MFHAS1: variants seen among roughly 807,000 people sequenced by gnomAD.
MFHAS1 encodes the protein malignant fibrous histiocytoma-amplified sequence 1.
Under a neutral mutation model 70.4 loss-of-function variants are expected in MFHAS1, and 50 were observed. The ratio of observed to expected loss-of-function variants is 0.71; its 90% CI spans 0.57 to 0.90. MFHAS1 has a LOEUF of 0.90. Among genes scored for constraint, MFHAS1 ranks in the 40% least tolerant of loss-of-function variants. The pLI, the probability that MFHAS1 is intolerant of heterozygous loss-of-function variation, is 0.00. For synonymous variants in MFHAS1, 952 were observed against 620.0 expected (o/e 1.54, Z -7.96); for missense variants, 1,795 against 1,347.6 (o/e 1.33, Z -5.20).
At position 8,891,724 on chromosome 8, in the gene MFHAS1, C is replaced by A. The variant is rs373170092; in HGVS notation, c.1335G>T (p.Lys445Asn). Residue 445 changes from lysine to asparagine, a missense_variant, in exon 1 of 3, where the codon AAG becomes AAT. Coordinates refer to ENST00000276282, the MANE Select transcript of MFHAS1 (RefSeq NM_004225.3). The surrounding 1 kb of genome is among the most constrained non-coding windows in gnomAD (Gnocchi z 5.4). ...CAGGGGGAGGTGACGGTGGGTAGCA[C>A]TTCTCCTTGTCCCCTCCTCCTGGGC... is the stretch of plus-strand genomic sequence containing the variant. ...EGCPGGGDKE[K>N]CYPPSPPPVS... 35 of 1,613,322 alleles carry A rather than the reference C, an allele frequency of 2.2e-5. No individual in the cohort carries two copies. The Admixed American group carries it at 5.8e-4, about 27-fold the overall frequency.
chr8:8,859,834 TTCAACTGAATGGGGGG>T (rs1163668675), intron 1 of MFHAS1, among the ~76,000 whole-genome samples: 8 of 152,326 alleles, frequency 5.3e-5, no homozygotes, highest in African/African-American at 1.9e-4. Flanking sequence ...AAGTTAGATG[TTCAACTGAATGGGGGG>T]TCGGTGCCCC....
chr8:8,842,396 G>C (rs1356439751), intron 1 of MFHAS1, among the ~76,000 whole-genome samples: 1 of 152,072 alleles, frequency 6.6e-6, no homozygotes, highest in Non-Finnish European at 1.5e-5. Context: ...ACGTTCACCA[G>C]GCTGATCTCG....
chr8:8,880,913 G>C (rs933100533), intron 1 of MFHAS1, among the ~76,000 whole-genome samples: 1 of 152,052 alleles, frequency 6.6e-6, no homozygotes, highest in African/African-American at 2.4e-5. Flanking sequence ...TCGAACTCCT[G>C]ACCTCAAGTG....
At chr8:8,883,917 G>C (rs1032369164) in intron 1 of MFHAS1, among the ~76,000 whole-genome samples, 1 of 151,688 alleles carries the variant, frequency 6.6e-6, no homozygotes, top group Non-Finnish European at 1.5e-5. Flanking sequence ...AAAAATACTG[G>C]TTGGGTATGG....
intron 2 of MFHAS1, among the ~76,000 whole-genome samples, chr8:8,789,438 T>C (rs903805572): frequency 6.6e-6 from 1 of 152,038 alleles, no homozygotes; most frequent in Non-Finnish European, 1.5e-5. Context: ...CGTGAGACAT[T>C]GGAAACAGAG....
chr8:8,829,180 T>C (rs915018161), intron 1 of MFHAS1, among the ~76,000 whole-genome samples: 1 of 152,004 alleles, frequency 6.6e-6, no homozygotes, highest in African/African-American at 2.4e-5. Flanking sequence ...TAAGCTCTTC[T>C]CTGGGTGCGG....
chr8:8,855,158 G>A (rs538151141), intron 1 of MFHAS1, among the ~76,000 whole-genome samples: 39 of 152,250 alleles, frequency 2.6e-4, no homozygotes, highest in Non-Finnish European at 4.7e-4. Flanking sequence ...TCGCCATGTC[G>A]CCCAGGCTGG....
At chr8:8,872,691 G>A (rs1452670490) in intron 1 of MFHAS1, among the ~76,000 whole-genome samples, 1 of 152,112 alleles carries the variant, frequency 6.6e-6, no homozygotes, top group African/African-American at 2.4e-5. Context: ...TGGCTGCAGT[G>A]AGGCCTGGCC....
At position 8,890,670 on chromosome 8, in the gene MFHAS1, G is replaced by C; in HGVS notation, c.2389C>G (p.Leu797Val). 2 of 1,613,514 alleles carry C rather than the reference G, an allele frequency of 1.2e-6. No individual in the cohort carries two copies. The highest frequency in any genetic ancestry group is 1.7e-6 in the Non-Finnish European group (2 of 1,179,618). Residue 797 changes from leucine to valine, a missense_variant, in exon 1 of 3, where the codon CTC becomes GTC. By Grantham distance (32) the Leu-to-Val change is conservative. Transcript: ENST00000276282. Reference protein sequence around the residue: ...QYVEGFLLHGLLPAHVIRLLL... With the variant: ...QYVEGFLLHGVLPAHVIRLLL... The stretch of plus-strand genomic sequence containing the variant: ...AACCGAATGACATGAGCTGGCAAGA[G>C]CCCATGCAACAGAAAGCCCTCCACA...
chr8:8,820,575 G>C (rs779722241), intron 1 of MFHAS1, among the ~76,000 whole-genome samples: 76 of 152,092 alleles, frequency 5.0e-4, no homozygotes, highest in Non-Finnish European at 9.1e-4. Context: ...CTAATATCAT[G>C]AATTTTTTTT....
At chr8:8,787,013 T>C (rs1327710625) in intron 2 of MFHAS1, among the ~76,000 whole-genome samples, 1 of 152,080 alleles carries the variant, frequency 6.6e-6, no homozygotes, top group Non-Finnish European at 1.5e-5. Context: ...GGTTGTTCAC[T>C]CTAGTGCATT....
At chr8:8,873,890 T>A (rs1449098154) in intron 1 of MFHAS1, among the ~76,000 whole-genome samples, 1 of 152,226 alleles carries the variant, frequency 6.6e-6, no homozygotes, top group Non-Finnish European at 1.5e-5. Flanking sequence ...TATATCTATC[T>A]GTAAACATGT....
chr8:8,784,612 A>G lies in MFHAS1; in HGVS notation c.*1410T>C, dbSNP rs1358662243. On this transcript the variant is annotated 3_prime_UTR_variant, in exon 3 of 3. Transcript: ENST00000276282. ...AACATGTTGAGACTTTGTATACTGTAGCCTTCCAAGAGTCAATACTTTACA... is the reference window on the plus strand; with the variant it reads ...AACATGTTGAGACTTTGTATACTGTGGCCTTCCAAGAGTCAATACTTTACA... The G allele has an allele frequency of 6.6e-6, 1 of 152,218 alleles. No individual in the cohort carries two copies. The highest frequency in any genetic ancestry group is 2.4e-5 in the African/African-American group (1 of 41,458). The allele number at this position is 152,218 out of a possible 1,614,324, so 9.4% of individuals were successfully genotyped here.
At chr8:8,795,802 G>A (rs2117254827) in intron 2 of MFHAS1, among the ~76,000 whole-genome samples, 1 of 152,356 alleles carries the variant, frequency 6.6e-6, no homozygotes, top group East Asian at 1.9e-4. Flanking sequence ...AGTTTCCCAA[G>A]AGGAGATGAC....
chr8:8,803,492 G>C (rs112973071), intron 1 of MFHAS1, among the ~76,000 whole-genome samples: 20,223 of 148,594 alleles, frequency 0.14, 1,813 homozygotes, highest in Non-Finnish European at 0.2. Context: ...ACTCCAGCCT[G>C]GGCGACAGAG....
Position 8,890,782 on chromosome 8 carries a change from C to G in MFHAS1, c.2277G>C (p.Glu759Asp), listed in dbSNP as rs1809977967. The G allele has an allele frequency of 5.0e-6, 8 of 1,614,022 alleles. No individual in the cohort carries two copies. Among genetic ancestry groups the G allele is most frequent in the Non-Finnish European group, 1.7e-6 (2 of 1,180,004 alleles). Residue 759 changes from glutamate (E) to aspartate (D), a missense_variant, in exon 1 of 3, where the codon GAG (glutamate) becomes GAC (aspartate). Glu to Asp is a conservative substitution (Grantham distance 45). Coordinates refer to ENST00000276282, the MANE Select transcript of MFHAS1 (RefSeq NM_004225.3). ...LHKLLLGTSG[E>D]GKAEGESSPP... ...GGGAGCTTTCCCCCTCCGCCTTGCCCTCTCCACTGGTCCCTAGGAGCAGCT... is the reference window on the plus strand; with the variant it reads ...GGGAGCTTTCCCCCTCCGCCTTGCCGTCTCCACTGGTCCCTAGGAGCAGCT...
intron 1 of MFHAS1, among the ~76,000 whole-genome samples, chr8:8,816,351 C>T (rs1290736145): frequency 1.3e-5 from 2 of 152,164 alleles, no homozygotes; most frequent in South Asian, 2.1e-4. Context: ...TATGGTTAAC[C>T]CAAAACCTAA....
intron 1 of MFHAS1, among the ~76,000 whole-genome samples, chr8:8,829,407 G>A (rs1219921634): frequency 2.6e-5 from 4 of 152,210 alleles, no homozygotes; most frequent in Admixed American, 1.3e-4. Flanking sequence ...TCTGTCCAGC[G>A]CCATGGCCCA....
At chr8:8,882,537 G>A (rs192722582) in intron 1 of MFHAS1, among the ~76,000 whole-genome samples, 5 of 152,050 alleles carry the variant, frequency 3.3e-5, no homozygotes, top group South Asian at 2.1e-4. Context: ...ACTTGAACCC[G>A]GGAAGCAGAC....
Sources: gnomAD v4.1 joint callset for allele counts (sites outside exome capture counted in the v4.1 genomes callset) on GRCh38, gnomAD v4.1.1 for gene constraint, Gnocchi (gnomAD v3.1) non-coding constraint, MANE v1.5 for transcripts, NCBI Gene and HGNC (gene_info 2026-07-23, HGNC 2026-07-21) for gene names.